The following PRSS23 variants were observed in gnomAD, a reference collection of about 807,000 sequenced individuals.
The protein encoded by PRSS23 is protease, serine 23.
PRSS23 carries 25 observed loss-of-function variants against 34.7 expected under a neutral mutation model. The observed-to-expected ratio is 0.72, with a 90% CI of 0.53 to 1.01. The LOEUF is 1.01. Among genes scored for constraint, PRSS23 ranks in the 50% least tolerant of loss-of-function variants. The pLI, the probability that PRSS23 is intolerant of heterozygous loss-of-function variation, is 0.00. For synonymous variants in PRSS23, 176 were observed against 186.6 expected (o/e 0.94, Z 0.46); for missense variants, 445 against 475.6 (o/e 0.94, Z 0.60).
rs1948582554 is a variant in PRSS23, at chr11:86,857,762, T to C, written c.206+34169T>C. The C allele has an allele frequency of 3.0e-5, 31 of 1,046,630 alleles. 3 individuals are homozygous for C. In the South Asian group the frequency reaches 3.8e-4, roughly 13 times the overall value. The allele number at this position is 1,046,630 out of a possible 1,614,324, so 64.8% of individuals were successfully genotyped here. A position where few individuals can be genotyped will look rare whatever the true frequency, so the allele number is the denominator to read the frequency against. The stretch of plus-strand genomic sequence containing the variant: ...GAGATGACTCTGCTATGCGACTGCA[T>C]GTCCACAATCATCTTGGGAACTGTG... On this transcript the variant is annotated intron_variant, in intron 2 of 2. Coordinates refer to the PRSS23 transcript ENST00000533902.
intron 2 of PRSS23, among the ~76,000 whole-genome samples, chr11:86,927,975 G>A (rs1949092725): frequency 6.6e-6 from 1 of 151,676 alleles, no homozygotes; most frequent in Non-Finnish European, 1.5e-5. Flanking sequence ...CTTGGTCCCA[G>A]AAAGTCTCCA....
chr11:86,940,496 G>A (rs972260609), intron 2 of PRSS23, among the ~76,000 whole-genome samples: 2 of 151,972 alleles, frequency 1.3e-5, no homozygotes, highest in Admixed American at 6.6e-5. Context: ...CATCCAAACC[G>A]GTCTTCCTGT....
intron 2 of PRSS23, among the ~76,000 whole-genome samples, chr11:86,918,667 T>A (rs190727561): frequency 2.3e-4 from 35 of 152,330 alleles, no homozygotes; most frequent in African/African-American, 8.4e-4. Flanking sequence ...TGTGCCAGCT[T>A]TACAGCTGTA....
chr11:86,923,785 T>C (rs1371705706), intron 2 of PRSS23, among the ~76,000 whole-genome samples: 1 of 152,158 alleles, frequency 6.6e-6, no homozygotes, highest in African/African-American at 2.4e-5. Flanking sequence ...CCCACAGAAG[T>C]TAAGAAACTT....
chr11:86,831,641 TATC>T (rs1948356652), intron 2 of PRSS23, among the ~76,000 whole-genome samples: 1 of 151,504 alleles, frequency 6.6e-6, no homozygotes, highest in East Asian at 2.0e-4. Context: ...CGCCCTGTGA[TATC>T]ATTCCTAATA....
chr11:86,901,479 A>G (rs1053799632), intron 2 of PRSS23, among the ~76,000 whole-genome samples: 2 of 152,120 alleles, frequency 1.3e-5, no homozygotes, highest in Non-Finnish European at 2.9e-5. Flanking sequence ...CCTGAAACCA[A>G]ATTGAATTAC....
chr11:86,925,295 A>AGTGTGTGTGT (rs5793226), intron 2 of PRSS23, among the ~76,000 whole-genome samples: 42 of 149,106 alleles, frequency 2.8e-4, no homozygotes, highest in African/African-American at 9.1e-4. Flanking sequence ...GTTTAACTGG[A>AGTGTGTGTGT]GTGTGTGTGT....
At chr11:86,927,037 C>T (rs1384914381) in intron 2 of PRSS23, among the ~76,000 whole-genome samples, 1 of 152,148 alleles carries the variant, frequency 6.6e-6, no homozygotes, top group African/African-American at 2.4e-5. Context: ...CTGTCACCCC[C>T]ACTTCCCAGA....
intron 2 of PRSS23, chr11:86,948,383 T>C (rs915679857): frequency 6.6e-6 from 1 of 152,002 alleles, no homozygotes; most frequent in African/African-American, 2.4e-5. Context: ...ACTCAATAAA[T>C]AAAATAACTG....
At chr11:86,879,115 C>T (rs1308084111) in intron 2 of PRSS23, among the ~76,000 whole-genome samples, 1 of 134,236 alleles carries the variant, frequency 7.4e-6, no homozygotes, top group Non-Finnish European at 1.6e-5. Flanking sequence ...TCTTCCCGGC[C>T]GCCATCCCGT....
intron 2 of PRSS23, among the ~76,000 whole-genome samples, chr11:86,838,329 T>C (rs1392407129): frequency 6.6e-6 from 1 of 152,100 alleles, no homozygotes; most frequent in African/African-American, 2.4e-5. Flanking sequence ...CCTGGCTTGG[T>C]GGGTGCCACA....
At chr11:86,884,548 C>T (rs563768858) in intron 2 of PRSS23, among the ~76,000 whole-genome samples, 1 of 152,290 alleles carries the variant, frequency 6.6e-6, no homozygotes, top group Non-Finnish European at 1.5e-5. Flanking sequence ...GATCTGCCCC[C>T]AACCTGGCCT....
At chr11:86,821,175 C>T in intron 1 of PRSS23, 1 of 641,376 alleles carries the variant, frequency 1.6e-6, no homozygotes. Context: ...GAAACCTGTA[C>T]TTCCTCTTCT....
chr11:86,929,299 G>C (rs1411782889), intron 2 of PRSS23, among the ~76,000 whole-genome samples: 2 of 143,002 alleles, frequency 1.4e-5, no homozygotes, highest in African/African-American at 5.2e-5. Flanking sequence ...TCCAGCCTGG[G>C]CAACAACAGC....
chr11:86,856,565 G>A (rs541750068), intron 2 of PRSS23, among the ~76,000 whole-genome samples: 3 of 152,164 alleles, frequency 2.0e-5, no homozygotes, highest in Non-Finnish European at 4.4e-5. Context: ...TGTACAGTAT[G>A]TCCTGACTTA....
At chr11:86,875,791 A>C (rs899679451) in intron 2 of PRSS23, among the ~76,000 whole-genome samples, 3 of 152,248 alleles carry the variant, frequency 2.0e-5, no homozygotes, top group Admixed American at 1.3e-4. Context: ...GAGGATGTGC[A>C]GAAGGAAAAT....
intron 2 of PRSS23, among the ~76,000 whole-genome samples, chr11:86,848,110 C>T (rs1948501280): frequency 6.6e-6 from 1 of 152,210 alleles, no homozygotes; most frequent in Non-Finnish European, 1.5e-5. Flanking sequence ...TGCATGCCCC[C>T]TTCTCACTCT....
intron 2 of PRSS23, among the ~76,000 whole-genome samples, chr11:86,916,939 C>A (rs1239186110): frequency 6.6e-6 from 1 of 152,204 alleles, no homozygotes; most frequent in Non-Finnish European, 1.5e-5. Flanking sequence ...CAGCTTAGCC[C>A]AGCACCGAGG....
chr11:86,894,494 C>T (rs1008734797), intron 2 of PRSS23, among the ~76,000 whole-genome samples: 2 of 152,156 alleles, frequency 1.3e-5, no homozygotes, highest in East Asian at 1.9e-4. Flanking sequence ...TTTCCTGGCA[C>T]TCTCTTATAT....
Sources: allele counts gnomAD v4.1 joint callset (sites outside exome capture counted in the v4.1 genomes callset), GRCh38; gene constraint gnomAD v4.1.1; transcripts MANE v1.5; gene names NCBI Gene and HGNC (gene_info 2026-07-23, HGNC 2026-07-21).